Variants in NIPBL observed in about 807,000 individuals in gnomAD.
NIPBL encodes NIPBL cohesin loading factor.
NIPBL carries 19 observed loss-of-function variants against 321.8 expected under a neutral mutation model. The observed-to-expected ratio is 0.06, with a 90% CI of 0.04 to 0.09. NIPBL has a LOEUF of 0.09. Ranked by LOEUF, NIPBL falls within the 10% of genes least tolerant of loss-of-function variation. The pLI is 1.00. For missense variants in NIPBL, 2,210 were observed against 3,327.0 expected (o/e 0.66, Z 8.26); for synonymous variants, 1,106 against 1,114.1 (o/e 0.99, Z 0.14).
intron 1 of NIPBL, among the ~76,000 whole-genome samples, chr5:36,953,401 A>G (rs924412184): frequency 2.0e-5 from 3 of 152,210 alleles, no homozygotes; most frequent in Admixed American, 2.0e-4. Flanking sequence ...TGCAAAAAAC[A>G]ATAGTAGCTA....
chr5:37,023,931 T>A (rs530544798), intron 29 of NIPBL, among the ~76,000 whole-genome samples: 1 of 151,914 alleles, frequency 6.6e-6, no homozygotes, highest in African/African-American at 2.4e-5. Context: ...TTTGGGAGGC[T>A]GAGGCGGGTG....
chr5:37,063,700 C>T, intron 45 of NIPBL, 90 bp from the exon 46 acceptor site: 1 of 1,341,178 alleles, frequency 7.5e-7, no homozygotes, highest in Non-Finnish European at 1.0e-6. Flanking sequence ...TCACCCACAC[C>T]AAACTACTGC....
intron 10 of NIPBL, among the ~76,000 whole-genome samples, chr5:36,994,823 G>T (rs1205462244): frequency 6.6e-6 from 1 of 152,090 alleles, no homozygotes; most frequent in Non-Finnish European, 1.5e-5. Context: ...GTGTATGTGT[G>T]TAGGATTAAG....
In NIPBL at chr5:36,964,687, G is replaced by A. The variant is rs148466038; in HGVS notation, c.610+2413G>A. 8.4e-3 allele frequency among the ~76,000 whole-genome samples: 1,272 copies of A among 152,092 alleles called. 11 individuals are homozygous for A. The highest frequency in any genetic ancestry group is 0.028 in the African/African-American group (1,177 of 41,510). Reference sequence around the variant, plus strand: ...GGAAGAAATAGACAAATGGGATTACGTCAAGCTAAAAAGCTTCTGTACAGC... The same window carrying A: ...GGAAGAAATAGACAAATGGGATTACATCAAGCTAAAAAGCTTCTGTACAGC... On this transcript the variant is annotated intron_variant, in intron 6 of 46. Transcript: ENST00000282516.
intron 8 of NIPBL, among the ~76,000 whole-genome samples, chr5:36,972,469 T>C (rs1742966797): frequency 6.6e-6 from 1 of 152,172 alleles, no homozygotes; most frequent in Admixed American, 6.5e-5. Flanking sequence ...TTCTTATTCT[T>C]CTCAAGATTT....
chr5:37,050,887 G>C (rs951834948), intron 40 of NIPBL: 2 of 152,146 alleles, frequency 1.3e-5, no homozygotes, highest in African/African-American at 4.8e-5. Context: ...GGAGTGCAGT[G>C]ATGCAGTCTC....
chr5:36,964,549 A>G (rs1353272823), intron 6 of NIPBL, among the ~76,000 whole-genome samples: 1 of 152,204 alleles, frequency 6.6e-6, no homozygotes, highest in Non-Finnish European at 1.5e-5. Context: ...AATGGATTAA[A>G]TACTTAAATC....
intron 1 of NIPBL, among the ~76,000 whole-genome samples, chr5:36,932,785 T>G (rs1561401356): frequency 6.7e-6 from 1 of 148,368 alleles, no homozygotes; most frequent in Non-Finnish European, 1.5e-5. Context: ...GCTGTTTTTT[T>G]TTTTTTTTTT....
chr5:36,981,953 T>C (rs1412459139), intron 9 of NIPBL, among the ~76,000 whole-genome samples: 3 of 151,826 alleles, frequency 2.0e-5, no homozygotes, highest in Non-Finnish European at 4.4e-5. Flanking sequence ...CATAATTGGC[T>C]ACCATGTATA....
chr5:37,047,478 C>T (rs1753099838), intron 38 of NIPBL, among the ~76,000 whole-genome samples: 1 of 152,114 alleles, frequency 6.6e-6, no homozygotes, highest in South Asian at 2.1e-4. Flanking sequence ...TTACATATAG[C>T]ACATAGAGTA....
At chr5:37,001,565 A>T (rs1017465047) in intron 14 of NIPBL, among the ~76,000 whole-genome samples, 5 of 152,258 alleles carry the variant, frequency 3.3e-5, no homozygotes, top group Admixed American at 3.3e-4. Context: ...AGAAATAAGC[A>T]TCTATTCTTC....
In NIPBL at chr5:37,006,444, A is replaced by C; in HGVS notation, c.3943A>C (p.Ile1315Leu). 6.2e-7 allele frequency: 1 copy of C among 1,612,816 alleles called. No homozygotes were observed. Among genetic ancestry groups the C allele is most frequent in the Non-Finnish European group, 8.5e-7 (1 of 1,178,960 alleles). ...ATCAGCGGATGCTTGTCTTACAACT[A>C]TCAACATTATGACATCCCCTAACAT... ...TKSADACLTT[I>L]NIMTSPNMPK... The change falls in exon 17 of 47, where the codon ATC becomes CTC. Residue 1315 changes from isoleucine to leucine, a missense_variant. By Grantham distance (5) the Ile-to-Leu change is conservative. Coordinates refer to ENST00000282516, the MANE Select transcript of NIPBL (RefSeq NM_133433.4).
At chr5:36,931,232 G>A (rs1159270305) in intron 1 of NIPBL, among the ~76,000 whole-genome samples, 3 of 151,872 alleles carry the variant, frequency 2.0e-5, no homozygotes, top group African/African-American at 7.2e-5. Context: ...GTCTGTTCTG[G>A]TAATTTGTCT....
intron 6 of NIPBL, among the ~76,000 whole-genome samples, chr5:36,967,801 C>T (rs1742372254): frequency 1.3e-5 from 2 of 151,918 alleles, no homozygotes; most frequent in African/African-American, 4.8e-5. Flanking sequence ...ATTTTTTAAA[C>T]AAATATTAAG....
intron 40 of NIPBL, among the ~76,000 whole-genome samples, chr5:37,050,367 G>A (rs1473810773): frequency 1.3e-5 from 2 of 151,908 alleles, no homozygotes; most frequent in East Asian, 1.9e-4. Flanking sequence ...GGGAGGCTGA[G>A]GCAGGAAAAT....
chr5:36,929,108 A>G (rs1028549117), intron 1 of NIPBL, among the ~76,000 whole-genome samples: 1 of 152,138 alleles, frequency 6.6e-6, no homozygotes, highest in African/African-American at 2.4e-5. Flanking sequence ...ATCATTTTAC[A>G]TTTCTACCAG....
At position 37,037,524 on chromosome 5, in the gene NIPBL, G is replaced by A. The variant is rs1224786371; in HGVS notation, c.5971+1037G>A. Among the ~76,000 whole-genome samples, 5 of 150,232 alleles carry A rather than the reference G, an allele frequency of 3.3e-5. No homozygotes were observed. The South Asian group carries it at 6.2e-4, about 19-fold the overall frequency. ...CTAATGCACATTAATGAGGAACAACGTCAGCCTCAGTTGTTCTCCAAAATT... is the reference window on the plus strand; with the variant it reads ...CTAATGCACATTAATGAGGAACAACATCAGCCTCAGTTGTTCTCCAAAATT... On this transcript the variant is annotated intron_variant, in intron 33 of 46. Coordinates refer to ENST00000282516, the MANE Select transcript of NIPBL (RefSeq NM_133433.4).
chr5:37,057,427 CACGAGTATATAAAATCTTT>C, intron 43 of NIPBL, 95 bp downstream of exon 43: 1 of 1,218,656 alleles, frequency 8.2e-7, no homozygotes, highest in Non-Finnish European at 1.2e-6. Flanking sequence ...TTATCCTCTT[CACGAGTATATAAAATCTTT>C]CTAAGTGAAC....
At chr5:37,045,740 C>T in intron 37 of NIPBL, 143 bp downstream of exon 37, 3 of 832,978 alleles carry the variant, frequency 3.6e-6, no homozygotes, top group South Asian at 1.6e-5. Flanking sequence ...CTGCTCAAAA[C>T]GTGGTCCTCA....
Sources: gnomAD v4.1 joint callset for allele counts (sites outside exome capture counted in the v4.1 genomes callset) on GRCh38, gnomAD v4.1.1 for gene constraint, MANE v1.5 for transcripts, NCBI Gene and HGNC (gene_info 2026-07-23, HGNC 2026-07-21) for gene names.